Variants in C4orf50 observed in about 807,000 individuals in gnomAD.
C4orf50 encodes uncharacterized protein C4orf50.
In C4orf50, 80 loss-of-function variants were observed where a neutral mutation model predicts 77.2. The ratio of observed to expected loss-of-function variants is 1.04; its 90% CI spans 0.87 to 1.25. The LOEUF (loss-of-function observed/expected upper bound fraction) is 1.25, where lower values mean the gene tolerates loss of function less well. Ranked by LOEUF, C4orf50 falls within the 50% of genes most tolerant of loss-of-function variation. The pLI is 0.00. For missense variants in C4orf50, 1,257 were observed against 1,152.9 expected (o/e 1.09, Z -1.31); for synonymous variants, 532 against 465.3 (o/e 1.14, Z -1.84).
At chr4:5,964,601 CT>C (rs1426559379) in intron 33 of C4orf50, among the ~76,000 whole-genome samples, 1 of 151,934 alleles carries the variant, frequency 6.6e-6, no homozygotes, top group Non-Finnish European at 1.5e-5. Context: ...AACCCCATCT[CT>C]ACTAAAAATA....
rs1211146631 is a variant in C4orf50 at position 6,011,095 on chromosome 4, C to T, written c.426+735G>A. ...AACTGCCCACTGCTTCTCCAGAGAG[C>T]TCTCGAACTTCTCCCCCTGCCTCCA... On this transcript the variant is annotated intron_variant, in intron 24 of 33. Transcript: ENST00000531445. The surrounding 1 kb of genome is among the most constrained non-coding windows in gnomAD (Gnocchi z 4.2). Among the ~76,000 whole-genome samples the T allele has an allele frequency of 6.6e-6, 1 of 152,154 alleles. No homozygotes were observed. The highest frequency in any genetic ancestry group is 2.4e-5 in the African/African-American group (1 of 41,444).
chr4:5,933,200 G>A (rs1453247611), intron 7 of C4orf50, among the ~76,000 whole-genome samples: 6 of 152,224 alleles, frequency 3.9e-5, no homozygotes, highest in Non-Finnish European at 2.9e-5. Flanking sequence ...AGAAGGATCA[G>A]ATGCTGGGAT....
At chr4:5,941,405 C>T (rs1718259721) in intron 7 of C4orf50, among the ~76,000 whole-genome samples, 2 of 152,174 alleles carry the variant, frequency 1.3e-5, no homozygotes, top group South Asian at 2.1e-4. Flanking sequence ...TTCCTGCACC[C>T]GTTGCTACTC....
intron 28 of C4orf50, among the ~76,000 whole-genome samples, chr4:5,986,025 A>T (rs535274564): frequency 1.1e-4 from 16 of 152,332 alleles, no homozygotes; most frequent in African/African-American, 3.6e-4. Flanking sequence ...ATTTTAAATA[A>T]CATAACTAAA....
chr4:5,963,000 CTTTTTTT>C (rs370272649), intron 33 of C4orf50, among the ~76,000 whole-genome samples: 10 of 146,150 alleles, frequency 6.8e-5, no homozygotes, highest in East Asian at 2.2e-4. Context: ...TTTTTCTTTT[CTTTTTTT>C]TTTTTTTTTT....
At chr4:5,899,308 T>C (rs958386802) in intron 7 of C4orf50, 1 of 152,260 alleles carries the variant, frequency 6.6e-6, no homozygotes, top group African/African-American at 2.4e-5. Context: ...TTCTGCATAT[T>C]CTGGAGTTTA....
rs1393521411 is a variant in C4orf50, at chr4:6,009,755, G to A, written c.427-1223C>T. On this transcript the variant is annotated intron_variant, in intron 24 of 33. Transcript: ENST00000531445. This position sits in a 1 kb window ranked among gnomAD's most constrained non-coding sequence, Gnocchi z 5.6. ...ATGGAAAACTCGCTCAAGCACTCCT[G>A]CAAAACTCGCTTCAAAATACAGATG... Among the ~76,000 whole-genome samples the A allele has an allele frequency of 1.3e-5, 2 of 152,180 alleles. No homozygotes were observed. Among genetic ancestry groups the A allele is most frequent in the East Asian group, 3.8e-4 (2 of 5,202 alleles).
At chr4:5,977,534 A>G (rs1047287267) in intron 29 of C4orf50, among the ~76,000 whole-genome samples, 1 of 152,250 alleles carries the variant, frequency 6.6e-6, no homozygotes, top group Non-Finnish European at 1.5e-5. Flanking sequence ...AACTGACCTC[A>G]TTCTTTTAAA....
exon 31 of C4orf50, chr4:5,973,825 A>G: frequency 5.0e-6 from 8 of 1,612,076 alleles, no homozygotes; most frequent in Non-Finnish European, 5.9e-6. Flanking sequence ...CTTCCGGACG[A>G]GGGAAGCTAT....
At chr4:5,962,668 T>C (rs1189982019) in intron 33 of C4orf50, among the ~76,000 whole-genome samples, 1 of 152,228 alleles carries the variant, frequency 6.6e-6, no homozygotes, top group Non-Finnish European at 1.5e-5. Context: ...GAAGCCCAGC[T>C]CTGCCGCTTA....
intron 7 of C4orf50, among the ~76,000 whole-genome samples, chr4:5,940,425 C>A (rs1482141784): frequency 6.6e-6 from 1 of 152,242 alleles, no homozygotes; most frequent in Non-Finnish European, 1.5e-5. Flanking sequence ...CTGAATCCCA[C>A]CATATCAGAT....
rs563804816 is a variant in C4orf50, at chr4:5,981,905, A to G, written c.3700-1567T>C. ...TGTAAGGCCCCCAAAACTCATCCCG[A>G]CCTAGCAGGGGTAGGTAGGAGGGGG... On this transcript the variant is annotated intron_variant, in intron 28 of 33. Transcript: ENST00000531445. Among the ~76,000 whole-genome samples the G allele has an allele frequency of 1.6e-4, 24 of 152,012 alleles. No homozygotes were observed. In the South Asian group the frequency reaches 3.1e-3, roughly 20 times the overall value.
intron 7 of C4orf50, among the ~76,000 whole-genome samples, chr4:5,926,560 A>G (rs551013630): frequency 1.3e-5 from 2 of 152,238 alleles, no homozygotes; most frequent in Non-Finnish European, 2.9e-5. Context: ...ACTAAAAGCC[A>G]CAAATTGTGC....
intron 28 of C4orf50, among the ~76,000 whole-genome samples, chr4:5,983,634 G>C (rs1720715585): frequency 6.6e-6 from 1 of 152,186 alleles, no homozygotes; most frequent in Admixed American, 6.5e-5. Context: ...CTAGTACAGG[G>C]TCACAATCCT....
At chr4:5,994,498 C>T (rs1297305145) in intron 25 of C4orf50, 22 bp from the exon 4 acceptor site, 4 of 398,996 alleles carry the variant, frequency 1.0e-5, no homozygotes, top group Middle Eastern at 6.2e-4. Context: ...CAGAGGAAGT[C>T]AGGAGCCGTC....
At chr4:5,906,353 G>A (rs1012337452) in intron 7 of C4orf50, among the ~76,000 whole-genome samples, 4 of 152,114 alleles carry the variant, frequency 2.6e-5, no homozygotes, top group African/African-American at 7.2e-5. Flanking sequence ...AGCAGTCTTG[G>A]AGACAAACAG....
chr4:5,947,500 C>G (rs1276651399), intron 7 of C4orf50, among the ~76,000 whole-genome samples: 1 of 152,214 alleles, frequency 6.6e-6, no homozygotes, highest in Admixed American at 6.5e-5. Flanking sequence ...ATTCTGGCAA[C>G]CAGGCGACCT....
intron 27 of C4orf50, among the ~76,000 whole-genome samples, chr4:5,991,979 G>C (rs910440001): frequency 6.6e-6 from 1 of 152,154 alleles, no homozygotes; most frequent in African/African-American, 2.4e-5. Context: ...ACAGAGAAAA[G>C]AGCACTTGCC....
chr4:5,899,607 T>C (rs1212112961), intron 7 of C4orf50: 1 of 152,242 alleles, frequency 6.6e-6, no homozygotes, highest in Non-Finnish European at 1.5e-5. Flanking sequence ...ATTTCTTTCC[T>C]AGCTAGGAGC....
Sources: gnomAD v4.1 joint callset for allele counts (sites outside exome capture counted in the v4.1 genomes callset) on GRCh38, gnomAD v4.1.1 for gene constraint, Gnocchi (gnomAD v3.1) non-coding constraint, MANE v1.5 for transcripts, NCBI Gene and HGNC (gene_info 2026-07-23, HGNC 2026-07-21) for gene names.